RBFOX3: variants seen among roughly 807,000 people sequenced by gnomAD.
RBFOX3 encodes the protein RNA binding protein fox-1 homolog 3.
RBFOX3 carries 17 observed loss-of-function variants against 48.7 expected under a neutral mutation model. That is an observed-to-expected ratio of 0.35 (90% CI 0.24 to 0.52). The LOEUF is 0.52. Among genes scored for constraint, RBFOX3 ranks in the 20% least tolerant of loss-of-function variants. The probability of loss-of-function intolerance (pLI) is 0.94; values close to 1 mark genes in which losing one functional copy is unlikely to be tolerated. For synonymous variants in RBFOX3, 212 were observed against 209.5 expected (o/e 1.01, Z -0.10); for missense variants, 382 against 497.5 (o/e 0.77, Z 2.21).
intron 2 of RBFOX3, among the ~76,000 whole-genome samples, chr17:79,461,337 T>G (rs2075341548): frequency 2.0e-5 from 3 of 152,202 alleles, no homozygotes. Flanking sequence ...TCATTCACAT[T>G]CTTTCTGTTC....
At chr17:79,616,582 AACACACAC>A in the RBFOX3 span, among the ~76,000 whole-genome samples, 9 of 145,652 alleles carry the variant, frequency 6.2e-5, no homozygotes, top group Admixed American at 2.1e-4. Flanking sequence ...TCTCTATACA[AACACACAC>A]ACACACACAC....
Position 79,428,448 on chromosome 17 carries a change from G to A in RBFOX3, c.-175+54006C>T, listed in dbSNP as rs563809992. The stretch of plus-strand genomic sequence containing the variant: ...AGGGCAGAGCCAGCTCCACTGATGG[G>A]GCCTAGAGCCCTCTTAGGCTGGTCT... On this transcript the variant is annotated intron_variant, in intron 2 of 14. Coordinates refer to ENST00000693108, the MANE Select transcript of RBFOX3 (RefSeq NM_001350451.2). 1.0e-3 allele frequency among the ~76,000 whole-genome samples: 155 copies of A among 152,326 alleles called. 2 individuals carry two copies. The highest frequency in any genetic ancestry group is 3.6e-3 in the African/African-American group (149 of 41,576).
At chr17:79,298,124 C>T (rs1433859046) in intron 3 of RBFOX3, 2 of 152,230 alleles carry the variant, frequency 1.3e-5, no homozygotes, top group South Asian at 2.1e-4. Context: ...CTGGAGATGT[C>T]TTCTGGAAGT....
chr17:79,149,679 C>T (rs966544519), intron 4 of RBFOX3, among the ~76,000 whole-genome samples: 5 of 151,754 alleles, frequency 3.3e-5, no homozygotes, highest in African/African-American at 4.8e-5. Flanking sequence ...GGCTCATGCC[C>T]GCCCGCTCAG....
chr17:79,349,198 C>T (rs1179901344), intron 2 of RBFOX3, among the ~76,000 whole-genome samples: 10 of 152,008 alleles, frequency 6.6e-5, no homozygotes, highest in African/African-American at 2.2e-4. Context: ...TCACCCTCAC[C>T]GAGCAGCCAG....
Position 79,094,133 on chromosome 17 carries a change from A to G in RBFOX3, c.1077+318T>C, listed in dbSNP as rs113351356. On this transcript the variant is annotated intron_variant, in intron 14 of 14. Transcript: ENST00000693108. The stretch of plus-strand genomic sequence containing the variant: ...TGGTTTCTGAGGTTTTCCTGGTGGA[A>G]ATGGGAATGGAGGGGCCTCAACGGG... 3.8e-3 allele frequency: 1,509 copies of G among 392,222 alleles called. 19 individuals carry two copies. Among genetic ancestry groups the G allele is most frequent in the African/African-American group, 0.023 (1,119 of 48,500 alleles). 24.3% of individuals were successfully genotyped at this position (392,222 alleles called of 1,614,324 possible).
intron 1 of RBFOX3, among the ~76,000 whole-genome samples, chr17:79,572,177 C>T (rs1250034738): frequency 1.3e-5 from 2 of 152,136 alleles, no homozygotes; most frequent in African/African-American, 2.4e-5. Flanking sequence ...ATTCAGGTCC[C>T]CCTGCAGCCT....
intron 2 of RBFOX3, among the ~76,000 whole-genome samples, chr17:79,368,584 A>G (rs11655753): frequency 0.28 from 41,928 of 152,082 alleles, 6,913 homozygotes; most frequent in East Asian, 0.38. Flanking sequence ...GGGTGACCTC[A>G]TGTTGCCATG....
At chr17:79,633,800 G>C in the RBFOX3 span, among the ~76,000 whole-genome samples, 3 of 152,166 alleles carry the variant, frequency 2.0e-5, no homozygotes, top group Non-Finnish European at 4.4e-5. Context: ...TCACCCCAGT[G>C]AGTGGGAGTT....
chr17:79,268,807 C>T (rs760374638), intron 3 of RBFOX3, among the ~76,000 whole-genome samples: 11 of 152,210 alleles, frequency 7.2e-5, no homozygotes, highest in Non-Finnish European at 1.2e-4. Context: ...GCCTGCCACC[C>T]TCTTTCCTCT....
chr17:79,207,729 G>T (rs2057709512), intron 4 of RBFOX3, among the ~76,000 whole-genome samples: 1 of 152,134 alleles, frequency 6.6e-6, no homozygotes, highest in African/African-American at 2.4e-5. Context: ...GGGAGGACTG[G>T]CCTTCAGGAA....
At chr17:79,327,719 G>A (rs750145342) in intron 2 of RBFOX3, among the ~76,000 whole-genome samples, 16 of 151,652 alleles carry the variant, frequency 1.1e-4, no homozygotes, top group South Asian at 4.2e-4. Context: ...TTTTTGAGAC[G>A]GAGTCTCCCT....
chr17:79,223,727 C>T (rs1296203510), intron 4 of RBFOX3, among the ~76,000 whole-genome samples: 1 of 152,202 alleles, frequency 6.6e-6, no homozygotes, highest in Admixed American at 6.5e-5. Context: ...ACTCCCCCAC[C>T]GAGGGATTCT....
In RBFOX3 at chr17:79,353,952, G is replaced by A. The variant is rs1598360698; in HGVS notation, c.-174-46128C>T. 3.3e-5 allele frequency among the ~76,000 whole-genome samples: 5 copies of A among 152,258 alleles called. No individual in the cohort carries two copies. In the South Asian group the frequency reaches 1.0e-3, roughly 32 times the overall value. ...CTCCAAGTCCTCTGCATCTCTCTCA[G>A]GAGATCTTCCCTTTCACCACCCGAC... On this transcript the variant is annotated intron_variant, in intron 2 of 14. Coordinates refer to ENST00000693108, the MANE Select transcript of RBFOX3 (RefSeq NM_001350451.2).
intron 1 of RBFOX3, among the ~76,000 whole-genome samples, chr17:79,550,713 A>G (rs2091056292): frequency 6.6e-6 from 1 of 151,960 alleles, no homozygotes; most frequent in East Asian, 1.9e-4. Flanking sequence ...GAGTGGATGG[A>G]AGGATGGATG....
At chr17:79,369,045 G>A (rs1341315980) in intron 2 of RBFOX3, among the ~76,000 whole-genome samples, 1 of 152,140 alleles carries the variant, frequency 6.6e-6, no homozygotes, top group Non-Finnish European at 1.5e-5. Context: ...AGAGCGAGGA[G>A]GGGCTCCAAC....
At chr17:79,633,910 C>G in the RBFOX3 span, among the ~76,000 whole-genome samples, 1 of 152,210 alleles carries the variant, frequency 6.6e-6, no homozygotes, top group Non-Finnish European at 1.5e-5. Flanking sequence ...ACTTTGCTTC[C>G]TGTTCAAACA....
chr17:79,566,596 A>C (rs2092462990), intron 1 of RBFOX3, among the ~76,000 whole-genome samples: 1 of 152,224 alleles, frequency 6.6e-6, no homozygotes, highest in Non-Finnish European at 1.5e-5. Context: ...GCAATGATGG[A>C]CAGAATCAGC....
At chr17:79,372,964 A>G (rs12602412) in intron 2 of RBFOX3, among the ~76,000 whole-genome samples, 70,400 of 151,914 alleles carry the variant, frequency 0.46, 16,837 homozygotes, top group Admixed American at 0.58. Context: ...AGGGGCTGAT[A>G]AGGAACAAGG....
Sources: allele counts gnomAD v4.1 joint callset (sites outside exome capture counted in the v4.1 genomes callset), GRCh38; gene constraint gnomAD v4.1.1; transcripts MANE v1.5; gene names NCBI Gene and HGNC (gene_info 2026-07-23, HGNC 2026-07-21).